KLF12: variants seen among roughly 807,000 people sequenced by gnomAD.
KLF12 encodes KLF transcription factor 12, also known as Krueppel-like factor 12.
Under a neutral mutation model 37.8 loss-of-function variants are expected in KLF12, and 9 were observed. The ratio of observed to expected loss-of-function variants is 0.24; its 90% CI spans 0.14 to 0.42. The LOEUF is 0.42. KLF12 is among the 10% of genes least tolerant of loss of function. KLF12 has a pLI of 1.00. For synonymous variants in KLF12, 208 were observed against 202.1 expected (o/e 1.03, Z -0.25); for missense variants, 411 against 516.0 (o/e 0.80, Z 1.97).
intron 1 of KLF12, among the ~76,000 whole-genome samples, chr13:74,114,203 C>T (rs1267826006): frequency 6.6e-6 from 1 of 152,140 alleles, no homozygotes; most frequent in Non-Finnish European, 1.5e-5. Flanking sequence ...ACCTTCAGAA[C>T]CACCACCCCG....
At chr13:73,834,529 G>C (rs1884327063) in intron 4 of KLF12, among the ~76,000 whole-genome samples, 1 of 152,056 alleles carries the variant, frequency 6.6e-6, no homozygotes, top group South Asian at 2.1e-4. Context: ...TTACTTTTAT[G>C]AGACAGAGTC....
chr13:74,170,100 AC>A, the KLF12 span, among the ~76,000 whole-genome samples: 2,302 of 152,274 alleles, frequency 0.015, 59 homozygotes, highest in African/African-American at 0.051. Context: ...ACTGCAAACC[AC>A]AACCATTGAT....
chr13:73,950,288 C>A lies in KLF12; in HGVS notation c.34-6218G>T, dbSNP rs1291362247. The stretch of plus-strand genomic sequence containing the variant: ...AAATGGATGCTTTTCAAAAGGGCAA[C>A]CAATCCAATCCAAACTGGGAGCCAA... On this transcript the variant is annotated intron_variant, in intron 2 of 7. Transcript: ENST00000377669. Among the ~76,000 whole-genome samples the A allele has an allele frequency of 2.0e-5, 3 of 152,140 alleles. No individual in the cohort carries two copies. In the East Asian group the frequency reaches 5.8e-4, roughly 29 times the overall value.
intron 1 of KLF12, among the ~76,000 whole-genome samples, chr13:74,078,853 AC>A (rs1874716354): frequency 6.6e-6 from 1 of 152,006 alleles, no homozygotes; most frequent in Non-Finnish European, 1.5e-5. Context: ...GGAACCACCT[AC>A]CCCCGTCACT....
At chr13:74,214,733 G>A in the KLF12 span, among the ~76,000 whole-genome samples, 2 of 151,792 alleles carry the variant, frequency 1.3e-5, no homozygotes, top group Non-Finnish European at 2.9e-5. Flanking sequence ...GATGAGATGT[G>A]CATTAAAATA....
At chr13:74,252,461 C>T in the KLF12 span, among the ~76,000 whole-genome samples, 18 of 152,290 alleles carry the variant, frequency 1.2e-4, no homozygotes, top group Non-Finnish European at 2.4e-4. Flanking sequence ...AAAAGACTGA[C>T]CCTATCACTG....
At chr13:73,744,341 A>C (rs1002010096) in intron 6 of KLF12, among the ~76,000 whole-genome samples, 1 of 152,186 alleles carries the variant, frequency 6.6e-6, no homozygotes, top group Non-Finnish European at 1.5e-5. Flanking sequence ...TGGGGTCAAT[A>C]CTACCTATTG....
intron 3 of KLF12, among the ~76,000 whole-genome samples, chr13:73,853,521 G>A (rs1205487540): frequency 3.3e-5 from 5 of 152,130 alleles, no homozygotes; most frequent in Admixed American, 2.6e-4. Context: ...CAGATCATCT[G>A]AGGTCAGGAG....
In KLF12 at chr13:74,133,306, C is replaced by T. The variant is rs529949691; in HGVS notation, c.-32+433G>A. 3.9e-5 allele frequency among the ~76,000 whole-genome samples: 6 copies of T among 152,180 alleles called. 1 individual carries two copies. The highest frequency in any genetic ancestry group is 7.2e-5 in the African/African-American group (3 of 41,510). The stretch of plus-strand genomic sequence containing the variant: ...CCGCTCGAGGCCGGGGGGCCAACTA[C>T]TTCCACGAGCCCCCCCTCCCCCCCA... On this transcript the variant is annotated intron_variant, in intron 1 of 7. Coordinates refer to ENST00000377669, the MANE Select transcript of KLF12 (RefSeq NM_007249.5).
intron 3 of KLF12, among the ~76,000 whole-genome samples, chr13:73,850,044 AC>A (rs1276154334): frequency 6.6e-6 from 1 of 152,204 alleles, no homozygotes; most frequent in Non-Finnish European, 1.5e-5. Context: ...ACACTGTAAA[AC>A]TTAAATTTTT....
chr13:74,183,989 G>C, the KLF12 span, among the ~76,000 whole-genome samples: 29 of 152,196 alleles, frequency 1.9e-4, no homozygotes, highest in South Asian at 5.8e-3. Flanking sequence ...ATAAAGTTAT[G>C]GTGGCAGATA....
chr13:73,833,453 A>AG (rs1566402911), intron 4 of KLF12, among the ~76,000 whole-genome samples: 1 of 152,214 alleles, frequency 6.6e-6, no homozygotes, highest in South Asian at 2.1e-4. Flanking sequence ...CAAGAACACC[A>AG]GGCGACTACA....
At chr13:74,275,762 G>A in the KLF12 span, among the ~76,000 whole-genome samples, 3 of 148,570 alleles carry the variant, frequency 2.0e-5, no homozygotes, top group African/African-American at 7.5e-5. Flanking sequence ...ATAGGTGCAC[G>A]CCATTATGCC....
At chr13:73,936,696 G>A (rs187316737) in intron 3 of KLF12, among the ~76,000 whole-genome samples, 11 of 152,222 alleles carry the variant, frequency 7.2e-5, no homozygotes, top group Admixed American at 1.3e-4. Flanking sequence ...TTTGCCGCCC[G>A]GAAGTTACCT....
chr13:73,988,520 G>A (rs1477755437), intron 2 of KLF12, among the ~76,000 whole-genome samples: 1 of 152,222 alleles, frequency 6.6e-6, no homozygotes, highest in Non-Finnish European at 1.5e-5. Flanking sequence ...CCACAGGACA[G>A]AAGTTGCCAA....
At chr13:73,734,527 T>G (rs1877303784) in intron 6 of KLF12, among the ~76,000 whole-genome samples, 1 of 152,154 alleles carries the variant, frequency 6.6e-6, no homozygotes, top group Non-Finnish European at 1.5e-5. Flanking sequence ...GTAAAGAATC[T>G]TAACCTACTT....
At chr13:74,156,158 C>G in the KLF12 span, among the ~76,000 whole-genome samples, 1 of 152,194 alleles carries the variant, frequency 6.6e-6, no homozygotes, top group East Asian at 1.9e-4. Flanking sequence ...AGCCACAGTC[C>G]TTTCTGCTTT....
intron 3 of KLF12, among the ~76,000 whole-genome samples, chr13:73,924,115 G>A (rs1481416229): frequency 1.3e-5 from 2 of 152,168 alleles, no homozygotes; most frequent in Admixed American, 1.3e-4. Flanking sequence ...CATATACACA[G>A]GTGTAAAGTA....
At chr13:74,284,888 C>G in the KLF12 span, among the ~76,000 whole-genome samples, 3 of 152,188 alleles carry the variant, frequency 2.0e-5, no homozygotes, top group Non-Finnish European at 4.4e-5. Flanking sequence ...ATCCCATATC[C>G]TATTTGAAAG....
Sources: gnomAD v4.1 joint callset for allele counts (sites outside exome capture counted in the v4.1 genomes callset) on GRCh38, gnomAD v4.1.1 for gene constraint, MANE v1.5 for transcripts, NCBI Gene and HGNC (gene_info 2026-07-23, HGNC 2026-07-21) for gene names.